The following SUCLG2 variants were observed in gnomAD, a reference collection of about 807,000 sequenced individuals.
The protein encoded by SUCLG2 is succinate--CoA ligase [GDP-forming] subunit beta, mitochondrial.
A neutral mutation model predicts 47.9 loss-of-function variants in SUCLG2; 42 were observed. The observed-to-expected ratio is 0.88, with a 90% CI of 0.69 to 1.14. The LOEUF is 1.14. Among genes scored for constraint, SUCLG2 ranks in the 50% most tolerant of loss-of-function variants. The pLI is 0.00. For missense variants in SUCLG2, 571 were observed against 525.9 expected, an observed-to-expected ratio of 1.09 and a Z score of -0.84; for synonymous variants, 195 against 197.3, an observed-to-expected ratio of 0.99 and a Z score of 0.10.
intron 2 of SUCLG2, among the ~76,000 whole-genome samples, chr3:67,571,922 TG>T (rs1362546068): frequency 3.3e-5 from 5 of 152,312 alleles, no homozygotes; most frequent in African/African-American, 1.2e-4. Context: ...GGCTTCCTTG[TG>T]TGTCCATTTT....
intron 2 of SUCLG2, among the ~76,000 whole-genome samples, chr3:67,592,682 T>C (rs1708191125): frequency 8.2e-6 from 1 of 122,476 alleles, no homozygotes; most frequent in African/African-American, 3.3e-5. Flanking sequence ...ACATTGGTAA[T>C]ATCTAATCGT....
chr3:67,381,844 G>A (rs1245950149), intron 10 of SUCLG2, among the ~76,000 whole-genome samples: 1 of 152,148 alleles, frequency 6.6e-6, no homozygotes, highest in East Asian at 1.9e-4. Context: ...TCCTTGGCAT[G>A]TTACCAGTGA....
intron 10 of SUCLG2, among the ~76,000 whole-genome samples, chr3:67,379,428 G>A (rs986679580): frequency 7.9e-5 from 12 of 152,004 alleles, no homozygotes; most frequent in South Asian, 2.1e-4. Context: ...TTTTTATCAC[G>A]GTTCCCACTT....
intron 3 of SUCLG2, among the ~76,000 whole-genome samples, 199 bp from the exon 4 acceptor site, chr3:67,528,421 G>A (rs1189734047): frequency 6.6e-6 from 1 of 152,158 alleles, no homozygotes; most frequent in East Asian, 1.9e-4. Flanking sequence ...GTGAGTTCAT[G>A]AATGAATAAA....
intron 2 of SUCLG2, among the ~76,000 whole-genome samples, chr3:67,587,001 GTTA>G (rs1708038819): frequency 6.6e-6 from 1 of 152,094 alleles, no homozygotes; most frequent in Non-Finnish European, 1.5e-5. Flanking sequence ...AATTAAAACT[GTTA>G]TTAATGTATC....
At chr3:67,517,220 AT>A (rs1434501081) in intron 6 of SUCLG2, among the ~76,000 whole-genome samples, 4 of 152,058 alleles carry the variant, frequency 2.6e-5, no homozygotes, top group Non-Finnish European at 5.9e-5. Context: ...AAGCATATAT[AT>A]TTTTTAAAAC....
At chr3:67,364,302 A>G (rs1701847079) in intron 10 of SUCLG2, among the ~76,000 whole-genome samples, 1 of 152,090 alleles carries the variant, frequency 6.6e-6, no homozygotes, top group African/African-American at 2.4e-5. Flanking sequence ...CACCTCCTAC[A>G]TGGGGTCAGT....
At chr3:67,419,421 G>T (rs1703104725) in intron 9 of SUCLG2, among the ~76,000 whole-genome samples, 1 of 151,934 alleles carries the variant, frequency 6.6e-6, no homozygotes, top group South Asian at 2.1e-4. Context: ...ATGTCTAATT[G>T]TCTGACTCTG....
chr3:67,443,162 G>C (rs1424153012), intron 9 of SUCLG2, among the ~76,000 whole-genome samples: 1 of 152,104 alleles, frequency 6.6e-6, no homozygotes, highest in African/African-American at 2.4e-5. Context: ...GATGTGTCTA[G>C]GTTATATGCA....
At chr3:67,388,943 T>G (rs1159841116) in intron 10 of SUCLG2, among the ~76,000 whole-genome samples, 1 of 152,082 alleles carries the variant, frequency 6.6e-6, no homozygotes, top group Admixed American at 6.6e-5. Flanking sequence ...AAGTAAGTCA[T>G]CATCCATACC....
At chr3:67,548,426 T>C (rs1455433402) in intron 2 of SUCLG2, among the ~76,000 whole-genome samples, 1 of 152,254 alleles carries the variant, frequency 6.6e-6, no homozygotes, top group Non-Finnish European at 1.5e-5. Context: ...TATTTTTTCA[T>C]GCAATTCAGA....
intron 1 of SUCLG2, among the ~76,000 whole-genome samples, chr3:67,653,166 G>A (rs1575847013): frequency 6.6e-6 from 1 of 152,020 alleles, no homozygotes; most frequent in African/African-American, 2.4e-5. Context: ...ACTGCCCTGG[G>A]CCCCATGTTT....
rs1433609554 is a variant in SUCLG2, at chr3:67,508,860, A to G, written c.704T>C (p.Ile235Thr). ...ITKLYNLFLKIDATQVEVNPF... is the reference protein window; with the variant it reads ...ITKLYNLFLKTDATQVEVNPF... ...ATTCACTTCCACCTGAGTAGCATCA[A>G]TTTTCAGGAAGAGATTATACAGCTT... Residue 235 changes from isoleucine to threonine, a missense_variant, in exon 7 of 11, where the codon ATT (isoleucine) becomes ACT (threonine). Ile to Thr is a moderately conservative substitution (Grantham distance 89). Transcript: ENST00000307227. 14 of 1,612,520 alleles carry G rather than the reference A, an allele frequency of 8.7e-6. No individual in the cohort carries two copies. Among genetic ancestry groups the G allele is most frequent in the East Asian group, 2.2e-5 (1 of 44,776 alleles).
intron 2 of SUCLG2, among the ~76,000 whole-genome samples, chr3:67,541,514 C>T (rs959345502): frequency 2.6e-5 from 4 of 152,124 alleles, no homozygotes; most frequent in African/African-American, 7.2e-5. Context: ...TATGGGACTA[C>T]GTAAAAAGAC....
chr3:67,521,551 C>A (rs1436707623), intron 4 of SUCLG2, among the ~76,000 whole-genome samples: 2 of 150,892 alleles, frequency 1.3e-5, no homozygotes, highest in Non-Finnish European at 2.9e-5. Context: ...ATGGAATAAT[C>A]CTACATGTGG....
chr3:67,518,229 C>T lies in SUCLG2; in HGVS notation c.660+18G>A. ...TCTGAAACAAGTCAGACACACCATC[C>T]CCCAATGGCTTATATACCTGGCTTT... On this transcript the variant is annotated intron_variant, in intron 6 of 10. Transcript: ENST00000307227. 6.3e-7 allele frequency: 1 copy of T among 1,592,448 alleles called. No individual in the cohort carries two copies. The highest frequency in any genetic ancestry group is 8.6e-7 in the Non-Finnish European group (1 of 1,166,470).
chr3:67,595,652 C>T (rs1335874441), intron 2 of SUCLG2, among the ~76,000 whole-genome samples: 1 of 152,072 alleles, frequency 6.6e-6, no homozygotes, highest in Non-Finnish European at 1.5e-5. Flanking sequence ...TGAGAAGCTC[C>T]ATTGTGCCTG....
intron 10 of SUCLG2, among the ~76,000 whole-genome samples, chr3:67,385,631 A>G (rs1192698118): frequency 2.0e-5 from 3 of 152,216 alleles, no homozygotes; most frequent in South Asian, 4.1e-4. Flanking sequence ...TGGAAGGTAC[A>G]CTGAAGTCTA....
At chr3:67,616,047 T>C (rs996156784) in intron 1 of SUCLG2, among the ~76,000 whole-genome samples, 8 of 151,916 alleles carry the variant, frequency 5.3e-5, no homozygotes, top group African/African-American at 1.9e-4. Context: ...GTAGCTAGTA[T>C]GCCAAAACTT....
Sources: allele counts gnomAD v4.1 joint callset (sites outside exome capture counted in the v4.1 genomes callset), GRCh38; gene constraint gnomAD v4.1.1; transcripts MANE v1.5; gene names NCBI Gene and HGNC (gene_info 2026-07-23, HGNC 2026-07-21).